SPATA13: variants seen among roughly 807,000 people sequenced by gnomAD.
SPATA13 encodes spermatogenesis-associated protein 13.
A neutral mutation model predicts 104.0 loss-of-function variants in SPATA13; 50 were observed. That is an observed-to-expected ratio of 0.48 (90% confidence interval 0.38 to 0.61). The LOEUF (loss-of-function observed/expected upper bound fraction) is 0.61. Ranked by LOEUF, SPATA13 falls within the 20% of genes least tolerant of loss-of-function variation. SPATA13 has a pLI of 0.00. For missense variants in SPATA13, 1,524 were observed against 1,690.6 expected, an observed-to-expected ratio of 0.90 and a Z score of 1.73; for synonymous variants, 606 against 667.5, an observed-to-expected ratio of 0.91 and a Z score of 1.42.
chr13:24,134,435 G>T (rs1385109820), intron 3 of SPATA13, among the ~76,000 whole-genome samples: 1 of 152,200 alleles, frequency 6.6e-6, no homozygotes, highest in African/African-American at 2.4e-5. Flanking sequence ...GCAGATGGGT[G>T]GGGGTGCGCC....
At chr13:24,292,387 A>G (rs12867797) in intron 9 of SPATA13, among the ~76,000 whole-genome samples, 11,824 of 152,258 alleles carry the variant, frequency 0.078, 523 homozygotes, top group Non-Finnish European at 0.1. Context: ...GGCAACTGCT[A>G]TGTGCCAGGC....
At chr13:24,030,067 C>CGT (rs1491360547) in intron 3 of SPATA13, among the ~76,000 whole-genome samples, 11 of 80,544 alleles carry the variant, frequency 1.4e-4, no homozygotes, top group South Asian at 1.0e-3. Context: ...CACACACACG[C>CGT]ACACACACAC....
chr13:24,189,116 G>A (rs1412577184), intron 1 of SPATA13, among the ~76,000 whole-genome samples: 1 of 152,114 alleles, frequency 6.6e-6, no homozygotes, highest in Non-Finnish European at 1.5e-5. Context: ...TGCTAATACA[G>A]CATCCATTTT....
intron 2 of SPATA13, among the ~76,000 whole-genome samples, chr13:23,992,400 G>A (rs1311096908): frequency 1.3e-5 from 2 of 152,188 alleles, no homozygotes; most frequent in African/African-American, 4.8e-5. Context: ...ACATTTTGGT[G>A]GCTTGCCACA....
At chr13:24,092,798 G>A (rs9511045) in intron 3 of SPATA13, among the ~76,000 whole-genome samples, 127,181 of 152,184 alleles carry the variant, frequency 0.84, 53,549 homozygotes, top group Middle Eastern at 0.89. Flanking sequence ...TCATATTTGG[G>A]CATCTGTATG....
At chr13:24,110,586 T>C (rs2137812279) in intron 3 of SPATA13, among the ~76,000 whole-genome samples, 1 of 152,278 alleles carries the variant, frequency 6.6e-6, no homozygotes, top group Non-Finnish European at 1.5e-5. Flanking sequence ...TGTGGGTAAA[T>C]AACCATTTGT....
chr13:24,078,156 G>A (rs1340408265), intron 3 of SPATA13, among the ~76,000 whole-genome samples: 1 of 152,144 alleles, frequency 6.6e-6, no homozygotes, highest in East Asian at 1.9e-4. Context: ...CCCCACAGCA[G>A]TGCCAGCCTA....
chr13:24,246,171 A>G (rs1873121769), intron 2 of SPATA13, among the ~76,000 whole-genome samples: 1 of 152,246 alleles, frequency 6.6e-6, no homozygotes, highest in South Asian at 2.1e-4. Context: ...GCAGGTGGAC[A>G]GTTCCCTGCC....
intron 3 of SPATA13, among the ~76,000 whole-genome samples, chr13:24,076,910 A>G (rs1249900033): frequency 1.3e-5 from 2 of 151,980 alleles, no homozygotes; most frequent in Non-Finnish European, 2.9e-5. Flanking sequence ...TGACACAGTC[A>G]TTGCAGCAGA....
At chr13:24,122,576 C>T (rs1299991815) in intron 3 of SPATA13, 2 of 1,547,490 alleles carry the variant, frequency 1.3e-6, no homozygotes, top group African/African-American at 1.4e-5. Context: ...TGACCTCTAA[C>T]AATTTTGTTG....
chr13:24,127,349 C>T (rs1284659243), intron 3 of SPATA13, among the ~76,000 whole-genome samples: 1 of 152,158 alleles, frequency 6.6e-6, no homozygotes, highest in Non-Finnish European at 1.5e-5. Flanking sequence ...ACAATGACAC[C>T]AGCAGGGAGG....
chr13:24,135,189 A>G (rs76816055), intron 3 of SPATA13, among the ~76,000 whole-genome samples: 1 of 150,384 alleles, frequency 6.6e-6, no homozygotes, highest in East Asian at 2.0e-4. Flanking sequence ...TGTTAAGGCA[A>G]CCCTAACAAA....
chr13:24,138,260 T>C (rs920888259), intron 3 of SPATA13, among the ~76,000 whole-genome samples: 3 of 150,930 alleles, frequency 2.0e-5, no homozygotes, highest in Non-Finnish European at 4.4e-5. Context: ...TAAGCTGGGA[T>C]GCACCATTCC....
rs1014909956 is a variant in SPATA13, at chr13:24,019,299, G to A, written c.-112+1598G>A. On this transcript the variant is annotated intron_variant, in intron 3 of 14. Coordinates refer to the SPATA13 transcript ENST00000424834. ...GAGACGGGGTTTCACCGTTTTAGCC[G>A]GGATGGTCTCGATCTCCTGACCTCG... is the stretch of plus-strand genomic sequence containing the variant. Among the ~76,000 whole-genome samples, 12 of 151,626 alleles carry A rather than the reference G, an allele frequency of 7.9e-5. 1 individual carries two copies. Among genetic ancestry groups the A allele is most frequent in the Admixed American group, 2.6e-4 (4 of 15,228 alleles).
At chr13:24,138,319 A>AC (rs369161699) in intron 3 of SPATA13, among the ~76,000 whole-genome samples, 47 of 150,210 alleles carry the variant, frequency 3.1e-4, no homozygotes, top group South Asian at 1.7e-3. Context: ...AAAAAAAAAA[A>AC]AACAGTTTTA....
At chr13:24,266,775 G>T (rs1412732395) in intron 4 of SPATA13, among the ~76,000 whole-genome samples, 1 of 151,810 alleles carries the variant, frequency 6.6e-6, no homozygotes. Flanking sequence ...GATTAATTTG[G>T]GGGTTGGATT....
chr13:24,137,567 C>G lies in SPATA13; in HGVS notation c.-111-85252C>G, dbSNP rs916387484. 3.3e-5 allele frequency among the ~76,000 whole-genome samples: 5 copies of G among 152,102 alleles called. No homozygotes were observed. In the South Asian group the frequency reaches 6.2e-4, roughly 19 times the overall value. Reference sequence around the variant, plus strand: ...TTGAGGCCAGGAGTTTGAGGCCAGTCCGGCCAACATGGTGAAACCCCACCA... The same window carrying G: ...TTGAGGCCAGGAGTTTGAGGCCAGTGCGGCCAACATGGTGAAACCCCACCA... On this transcript the variant is annotated intron_variant, in intron 3 of 14. Transcript: ENST00000424834.
upstream of SPATA13, among the ~76,000 whole-genome samples, chr13:24,158,488 T>C (rs1251485123): frequency 1.3e-5 from 2 of 152,216 alleles, no homozygotes; most frequent in African/African-American, 4.8e-5. Flanking sequence ...GCTGGTGATG[T>C]ACTCCCGTGA....
chr13:24,237,982 A>AACAT (rs1423353579), intron 2 of SPATA13, among the ~76,000 whole-genome samples: 231 of 145,546 alleles, frequency 1.6e-3, no homozygotes, highest in South Asian at 3.0e-3. Flanking sequence ...GCAATATATA[A>AACAT]ACATGTATAA....
Sources: allele counts gnomAD v4.1 joint callset (sites outside exome capture counted in the v4.1 genomes callset), GRCh38; gene constraint gnomAD v4.1.1; transcripts MANE v1.5; gene names NCBI Gene and HGNC (gene_info 2026-07-23, HGNC 2026-07-21).